PPP1R9A: variants seen among roughly 807,000 people sequenced by gnomAD.
PPP1R9A encodes the protein protein phosphatase 1 regulatory subunit 9A.
A neutral mutation model predicts 141.9 loss-of-function variants in PPP1R9A; 59 were observed. That is an observed-to-expected ratio of 0.42 (90% confidence interval 0.34 to 0.52). The LOEUF (loss-of-function observed/expected upper bound fraction) is 0.52, where lower values mean the gene tolerates loss of function less well. Ranked by LOEUF, PPP1R9A falls within the 20% of genes least tolerant of loss-of-function variation. The probability of loss-of-function intolerance (pLI) is 0.10; values close to 1 mark genes in which losing one functional copy is unlikely to be tolerated. For synonymous variants in PPP1R9A, 500 were observed against 569.7 expected (o/e 0.88, Z 1.74); for missense variants, 1,444 against 1,611.9 (o/e 0.90, Z 1.78).
chr7:94,961,577 G>A (rs999766161), intron 2 of PPP1R9A, among the ~76,000 whole-genome samples: 10 of 151,778 alleles, frequency 6.6e-5, no homozygotes, highest in African/African-American at 2.4e-4. Context: ...GGAAGTTTAA[G>A]TATTCAGAGT....
At position 95,003,090 on chromosome 7, in the gene PPP1R9A, T is replaced by TA. The variant is rs1049061296; in HGVS notation, c.1395+91590dup. Among the ~76,000 whole-genome samples the TA allele has an allele frequency of 1.9e-4, 29 of 152,034 alleles. No individual in the cohort carries two copies. In the East Asian group the frequency reaches 2.5e-3, roughly 13 times the overall value. Reference sequence around the variant, plus strand: ...GAATAAATCAGAAAATTGCCTTTTTTAAAAAAAAGCTTTTTAAAAAGCTTT... The same window carrying TA: ...GAATAAATCAGAAAATTGCCTTTTTTAAAAAAAAAGCTTTTTAAAAAGCTTT... On this transcript the variant is annotated intron_variant, in intron 2 of 19. Coordinates refer to ENST00000433360, the MANE Select transcript of PPP1R9A (RefSeq NM_001166160.2).
chr7:95,180,103 C>A (rs1833518443), intron 5 of PPP1R9A, among the ~76,000 whole-genome samples: 1 of 152,154 alleles, frequency 6.6e-6, no homozygotes, highest in Admixed American at 6.5e-5. Flanking sequence ...CTGGAGCCAT[C>A]ACATTACCTG....
chr7:95,219,733 G>A (rs115385703), intron 7 of PPP1R9A, among the ~76,000 whole-genome samples: 1,523 of 152,058 alleles, frequency 0.01, 34 homozygotes, highest in African/African-American at 0.033. Context: ...TCATTTCTTC[G>A]AATCCTCTCA....
chr7:95,258,717 A>C (rs1442378119), intron 12 of PPP1R9A, among the ~76,000 whole-genome samples: 2 of 152,232 alleles, frequency 1.3e-5, no homozygotes, highest in East Asian at 3.8e-4. Context: ...TAAGAAGTTC[A>C]CAAAAGCAGG....
At chr7:94,972,810 G>A (rs1799003463) in intron 2 of PPP1R9A, among the ~76,000 whole-genome samples, 1 of 152,204 alleles carries the variant, frequency 6.6e-6, no homozygotes, top group Non-Finnish European at 1.5e-5. Flanking sequence ...GTGTTGCCAA[G>A]TCATGGGACC....
intron 2 of PPP1R9A, among the ~76,000 whole-genome samples, chr7:95,024,584 A>G (rs1429734888): frequency 1.3e-5 from 2 of 151,946 alleles, no homozygotes; most frequent in Admixed American, 6.6e-5. Context: ...TTTCTCTTAG[A>G]GTGGGATCGC....
At chr7:95,140,557 T>A (rs2152566037) in intron 4 of PPP1R9A, among the ~76,000 whole-genome samples, 1 of 152,052 alleles carries the variant, frequency 6.6e-6, no homozygotes, top group African/African-American at 2.4e-5. Flanking sequence ...CCCAGCTAAT[T>A]TTTTTGTATT....
intron 2 of PPP1R9A, among the ~76,000 whole-genome samples, chr7:94,966,926 C>A (rs2151182910): frequency 6.6e-6 from 1 of 152,208 alleles, no homozygotes; most frequent in South Asian, 2.1e-4. Context: ...TAGCATTTGG[C>A]TGTGAATTCG....
At position 95,290,457 on chromosome 7, in the gene PPP1R9A, C is replaced by T; in HGVS notation, c.*154C>T. On this transcript the variant is annotated 3_prime_UTR_variant, in exon 20 of 20. Coordinates refer to ENST00000433360, the MANE Select transcript of PPP1R9A (RefSeq NM_001166160.2). Reference sequence around the variant, plus strand: ...ACTGTGTGTTGAATAACTGCATTTTCTGCAATAGAATGCACTCTTAATTTT... The same window carrying T: ...ACTGTGTGTTGAATAACTGCATTTTTTGCAATAGAATGCACTCTTAATTTT... 3 of 827,726 alleles carry T rather than the reference C, an allele frequency of 3.6e-6. No individual in the cohort carries two copies. Among genetic ancestry groups the T allele is most frequent in the Non-Finnish European group, 3.7e-6 (2 of 544,206 alleles). The allele number at this position is 827,726 out of a possible 1,614,324, so 51.3% of individuals were successfully genotyped here. A position where few individuals can be genotyped will look rare whatever the true frequency, so the allele number is the denominator to read the frequency against.
At position 94,910,536 on chromosome 7, in the gene PPP1R9A, G is replaced by C. The variant is rs375944580; in HGVS notation, c.423G>C (p.Glu141Asp). Reference protein sequence around the residue: ...YDGPSYSKFTETRKMFERSVH... With the variant: ...YDGPSYSKFTDTRKMFERSVH... ...GCCCTTCATATTCCAAGTTCACTGA[G>C]ACTCGAAAGATGTTTGAGAGAAGTG... is the stretch of plus-strand genomic sequence containing the variant. Residue 141 changes from glutamate to aspartate, a missense_variant, in exon 2 of 20, where the codon GAG becomes GAC. By Grantham distance (45) the Glu-to-Asp change is conservative. This residue lies in a region of PPP1R9A where 490 missense variants were observed against 521.1 expected (regional missense o/e 0.94). Coordinates refer to ENST00000433360, the MANE Select transcript of PPP1R9A (RefSeq NM_001166160.2). The surrounding 1 kb of genome is among the most constrained non-coding windows in gnomAD (Gnocchi z 4.5). 6.2e-7 allele frequency: 1 copy of C among 1,614,028 alleles called. No individual in the cohort carries two copies. Among genetic ancestry groups the C allele is most frequent in the Non-Finnish European group, 8.5e-7 (1 of 1,180,046 alleles).
intron 2 of PPP1R9A, among the ~76,000 whole-genome samples, chr7:94,913,709 T>G (rs1791726534): frequency 6.6e-6 from 1 of 152,144 alleles, no homozygotes; most frequent in Non-Finnish European, 1.5e-5. Context: ...TAGGTTATTC[T>G]CCAATTAAGA....
At chr7:95,093,018 TA>T (rs1324960586) in intron 2 of PPP1R9A, among the ~76,000 whole-genome samples, 1 of 152,220 alleles carries the variant, frequency 6.6e-6, no homozygotes, top group Non-Finnish European at 1.5e-5. Context: ...ATGGCATATG[TA>T]TTTACCTTCC....
chr7:95,145,433 T>G (rs1352608044), intron 4 of PPP1R9A, among the ~76,000 whole-genome samples: 1 of 152,130 alleles, frequency 6.6e-6, no homozygotes, highest in Non-Finnish European at 1.5e-5. Context: ...CATTAAAAGT[T>G]AAAACCACAA....
At chr7:95,245,542 G>A (rs1440259385) in intron 8 of PPP1R9A, among the ~76,000 whole-genome samples, 1 of 152,066 alleles carries the variant, frequency 6.6e-6, no homozygotes, top group East Asian at 1.9e-4. Flanking sequence ...TGGCTAGCCT[G>A]GTGTGTCAGG....
At chr7:94,961,118 C>T (rs1797595220) in intron 2 of PPP1R9A, among the ~76,000 whole-genome samples, 1 of 151,474 alleles carries the variant, frequency 6.6e-6, no homozygotes, top group South Asian at 2.1e-4. Flanking sequence ...ATTGTAAATT[C>T]ACTAACTTCC....
chr7:94,959,015 T>G (rs563055276), intron 2 of PPP1R9A, among the ~76,000 whole-genome samples: 1 of 152,120 alleles, frequency 6.6e-6, no homozygotes, highest in East Asian at 1.9e-4. Flanking sequence ...AATTTTCATT[T>G]ATATCCAAAC....
At chr7:95,238,332 A>C (rs1370578653) in intron 8 of PPP1R9A, among the ~76,000 whole-genome samples, 1 of 152,154 alleles carries the variant, frequency 6.6e-6, no homozygotes, top group African/African-American at 2.4e-5. Context: ...GGTTTCTACC[A>C]AAGGCACCAA....
Position 95,290,582 on chromosome 7 carries a change from G to T in PPP1R9A, c.*279G>T, listed in dbSNP as rs763989578. ...CTCTTCTCTAACTTACCAACATCTT[G>T]TGTTGTGTTGGGTGTGTTTTGTCAC... On this transcript the variant is annotated 3_prime_UTR_variant, in exon 20 of 20. Transcript: ENST00000433360. 14 of 368,000 alleles carry T rather than the reference G, an allele frequency of 3.8e-5. No homozygotes were observed. In the East Asian group the frequency reaches 7.2e-4, roughly 19 times the overall value. The allele number at this position is 368,000 out of a possible 1,614,324, so 22.8% of individuals were successfully genotyped here.
Position 95,225,972 on chromosome 7 carries a change from T to C in PPP1R9A, c.1968T>C (p.Tyr656=), listed in dbSNP as rs763088586. 1.2e-6 allele frequency: 2 copies of C among 1,606,312 alleles called. No homozygotes were observed. Among genetic ancestry groups the C allele is most frequent in the East Asian group, 2.2e-5 (1 of 44,644 alleles). The change falls in exon 8 of 20, where the codon TAT becomes TAC. Residue 656 remains tyrosine, a synonymous_variant. Transcript: ENST00000433360. ...NNNYFLKTGE[Y]ATDEEEDEVG... ...CCCCTTCCTTTCAGACAGGAGAATATGCCACAGATGAAGAAGAAGATGAGG... is the reference window on the plus strand; with the variant it reads ...CCCCTTCCTTTCAGACAGGAGAATACGCCACAGATGAAGAAGAAGATGAGG...
Sources: allele counts gnomAD v4.1 joint callset (sites outside exome capture counted in the v4.1 genomes callset), GRCh38; gene constraint gnomAD v4.1.1; regional missense constraint gnomAD v4.1.1; non-coding constraint Gnocchi (gnomAD v3.1); transcripts MANE v1.5; gene names NCBI Gene and HGNC (gene_info 2026-07-23, HGNC 2026-07-21).